The following MCC variants were observed in gnomAD, a reference collection of about 807,000 sequenced individuals.
MCC encodes colorectal mutant cancer protein.
MCC carries 90 observed loss-of-function variants against 116.2 expected under a neutral mutation model. The ratio of observed to expected loss-of-function variants is 0.77; its 90% CI spans 0.65 to 0.92. The LOEUF (loss-of-function observed/expected upper bound fraction) is 0.92. Among genes scored for constraint, MCC ranks in the 40% least tolerant of loss-of-function variants. The probability of loss-of-function intolerance (pLI) is 0.00; values close to 1 mark genes in which losing one functional copy is unlikely to be tolerated. For synonymous variants in MCC, 578 were observed against 510.5 expected (o/e 1.13, Z -1.78); for missense variants, 1,516 against 1,312.2 (o/e 1.16, Z -2.40).
intron 3 of MCC, among the ~76,000 whole-genome samples, chr5:113,319,062 T>A (rs1158880642): frequency 6.6e-6 from 1 of 151,862 alleles, no homozygotes; most frequent in Non-Finnish European, 1.5e-5. Context: ...AGAGACGGAG[T>A]TTTGCCATGT....
intron 8 of MCC, among the ~76,000 whole-genome samples, chr5:113,094,779 C>T (rs1404671326): frequency 6.6e-6 from 1 of 152,146 alleles, no homozygotes; most frequent in African/African-American, 2.4e-5. Flanking sequence ...TCATGACAGC[C>T]AAGAGCTAGC....
intron 1 of MCC, among the ~76,000 whole-genome samples, chr5:113,401,248 G>C (rs1769678455): frequency 6.6e-6 from 1 of 152,102 alleles, no homozygotes; most frequent in African/African-American, 2.4e-5. Flanking sequence ...AGGGTAAAAA[G>C]ATGTATATTA....
intron 2 of MCC, among the ~76,000 whole-genome samples, chr5:113,341,788 T>A (rs561404654): frequency 1.3e-5 from 2 of 152,274 alleles, no homozygotes; most frequent in African/African-American, 4.8e-5. Context: ...TGTCTGCTCA[T>A]CCTAAGTACC....
At chr5:113,404,827 G>A (rs1769787188) in intron 1 of MCC, among the ~76,000 whole-genome samples, 1 of 145,102 alleles carries the variant, frequency 6.9e-6, no homozygotes. Flanking sequence ...TAAAAAAAAA[G>A]GCAGGTGCAG....
chr5:113,022,307 A>G lies in MCC; in HGVS notation c.*4995T>C, dbSNP rs899403215. ...TCTAAAAAATTACAAGGTATAGTAC[A>G]GTGTTAAGTAGCAATTTTAAAATGA... On this transcript the variant is annotated 3_prime_UTR_variant, in exon 19 of 19. Transcript: ENST00000408903. 1 of 152,700 alleles carries G rather than the reference A, an allele frequency of 6.5e-6. No homozygotes were observed. Among genetic ancestry groups the G allele is most frequent in the African/African-American group, 2.4e-5 (1 of 41,472 alleles). 9.5% of individuals were successfully genotyped at this position (152,700 alleles called of 1,614,324 possible).
chr5:113,355,855 G>A (rs572926897), intron 2 of MCC, among the ~76,000 whole-genome samples: 52 of 152,106 alleles, frequency 3.4e-4, no homozygotes, highest in South Asian at 1.2e-3. Flanking sequence ...TTTGGGCACC[G>A]GGACACAAGC....
intron 1 of MCC, among the ~76,000 whole-genome samples, chr5:113,397,802 T>C (rs1010796802): frequency 6.6e-6 from 1 of 152,100 alleles, no homozygotes; most frequent in Admixed American, 6.5e-5. Context: ...GACTAAGTCC[T>C]CAAAAGCAAT....
intron 8 of MCC, among the ~76,000 whole-genome samples, chr5:113,098,951 G>A (rs1756221942): frequency 6.6e-6 from 1 of 152,162 alleles, no homozygotes; most frequent in Non-Finnish European, 1.5e-5. Context: ...CAGTCACTCT[G>A]CAGAGCTACA....
intron 17 of MCC, among the ~76,000 whole-genome samples, chr5:113,041,151 G>A (rs900384036): frequency 6.6e-6 from 1 of 152,180 alleles, no homozygotes; most frequent in African/African-American, 2.4e-5. Flanking sequence ...TTACAACTTG[G>A]AAGGAAAGAC....
At chr5:113,045,560 G>A (rs913801548) in intron 16 of MCC, among the ~76,000 whole-genome samples, 1 of 152,192 alleles carries the variant, frequency 6.6e-6, no homozygotes, top group Non-Finnish European at 1.5e-5. Flanking sequence ...AGCACTTTGG[G>A]AGGCCAAGGC....
intron 1 of MCC, among the ~76,000 whole-genome samples, chr5:113,452,828 T>C (rs540600321): frequency 6.6e-6 from 1 of 152,316 alleles, no homozygotes; most frequent in East Asian, 1.9e-4. Flanking sequence ...TAGTTCCCCA[T>C]TTGGTCTCAG....
intron 1 of MCC, among the ~76,000 whole-genome samples, chr5:113,415,582 G>C (rs543146307): frequency 5.3e-5 from 8 of 151,990 alleles, no homozygotes; most frequent in African/African-American, 1.9e-4. Flanking sequence ...TTGTGCATGC[G>C]TCACGTAGTT....
Position 113,082,896 on chromosome 5 carries a change from A to G in MCC, c.1748T>C (p.Ile583Thr). The G allele has an allele frequency of 2.5e-6, 4 of 1,614,086 alleles. No homozygotes were observed. Among genetic ancestry groups the G allele is most frequent in the Non-Finnish European group, 3.4e-6 (4 of 1,179,986 alleles). The change falls in exon 11 of 19, where the codon ATT becomes ACT. Residue 583 changes from isoleucine to threonine, a missense_variant. Transcript: ENST00000408903. ...TTCTGTTTCCACCTCAAACTCTCTAATCTTGCTTTCTGAGATGGCAGATCC... is the reference window on the plus strand; with the variant it reads ...TTCTGTTTCCACCTCAAACTCTCTAGTCTTGCTTTCTGAGATGGCAGATCC... ...SHGSAISESK[I>T]REFEVETERL...
chr5:113,085,344 G>A (rs1043713685), intron 8 of MCC, 34 bp from the exon 9 acceptor site: 7 of 1,574,078 alleles, frequency 4.4e-6, no homozygotes, highest in Non-Finnish European at 6.1e-6. Context: ...ATAGTTGGTG[G>A]TTTCCCTGGC....
In MCC at chr5:113,027,349, G is replaced by A; in HGVS notation, c.3013C>T (p.Leu1005=). ...TGTGGCCTGGAGTTCTCCTCCTCTAGCAGAGCTATTCTTTGCTTGAGCATC... is the reference window on the plus strand; with the variant it reads ...TGTGGCCTGGAGTTCTCCTCCTCTAACAGAGCTATTCTTTGCTTGAGCATC... ...VRMLKQRIAL[L]EEENSRPHTN... is the part of the protein sequence containing the mutation. The change falls in exon 19 of 19, where the codon CTA becomes TTA. Residue 1005 remains leucine, a synonymous_variant. Transcript: ENST00000408903. 1 of 1,614,194 alleles carries A rather than the reference G, an allele frequency of 6.2e-7. No individual in the cohort carries two copies. The highest frequency in any genetic ancestry group is 1.1e-5 in the South Asian group (1 of 91,086).
At chr5:113,179,277 G>GT (rs1382579871) in intron 3 of MCC, among the ~76,000 whole-genome samples, 11 of 152,278 alleles carry the variant, frequency 7.2e-5, no homozygotes, top group Non-Finnish European at 1.5e-4. Flanking sequence ...AGTAGGGCAA[G>GT]TGTTTTACTC....
chr5:113,405,805 C>T (rs76988743), intron 1 of MCC, among the ~76,000 whole-genome samples: 1 of 140,870 alleles, frequency 7.1e-6, no homozygotes, highest in Non-Finnish European at 1.5e-5. Flanking sequence ...GACCCTATCT[C>T]AAAAAAAAAA....
At chr5:113,181,640 G>A (rs1283065548) in intron 3 of MCC, among the ~76,000 whole-genome samples, 1 of 152,156 alleles carries the variant, frequency 6.6e-6, no homozygotes, top group Non-Finnish European at 1.5e-5. Context: ...ACAGGATGAG[G>A]TAACTAGTCC....
At chr5:113,252,244 C>T (rs1000551555) in intron 3 of MCC, among the ~76,000 whole-genome samples, 2 of 152,118 alleles carry the variant, frequency 1.3e-5, no homozygotes, top group Admixed American at 1.3e-4. Context: ...CCCCAGCCCC[C>T]GGGCCCACAG....
Sources: gnomAD v4.1 joint callset for allele counts (sites outside exome capture counted in the v4.1 genomes callset) on GRCh38, gnomAD v4.1.1 for gene constraint, MANE v1.5 for transcripts, NCBI Gene and HGNC (gene_info 2026-07-23, HGNC 2026-07-21) for gene names.